Variants in TTC6 observed in about 807,000 individuals in gnomAD.
TTC6 encodes tetratricopeptide repeat domain 6.
In TTC6, 172 loss-of-function variants were observed where a neutral mutation model predicts 210.4. That is an observed-to-expected ratio of 0.82 (90% CI 0.72 to 0.93). TTC6 has a LOEUF of 0.93. Among genes scored for constraint, TTC6 ranks in the 40% least tolerant of loss-of-function variants. TTC6 has a pLI of 0.00. For missense variants in TTC6, 2,414 were observed against 2,318.1 expected (o/e 1.04, Z -0.85); for synonymous variants, 804 against 819.6 (o/e 0.98, Z 0.32).
chr14:37,821,393 C>T (rs1332355171), intron 26 of TTC6, among the ~76,000 whole-genome samples: 1 of 151,984 alleles, frequency 6.6e-6, no homozygotes, highest in Non-Finnish European at 1.5e-5. Flanking sequence ...TAAATAGTGC[C>T]AATTATCAGG....
chr14:37,820,425 C>T (rs990328655), intron 26 of TTC6, among the ~76,000 whole-genome samples: 1 of 152,188 alleles, frequency 6.6e-6, no homozygotes, highest in Non-Finnish European at 1.5e-5. Flanking sequence ...CAATCACTGC[C>T]ATTTGGTAAT....
chr14:37,617,228 T>G (rs773215195), upstream of TTC6, among the ~76,000 whole-genome samples: 1 of 152,110 alleles, frequency 6.6e-6, no homozygotes, highest in Non-Finnish European at 1.5e-5. Context: ...GTCCAAGAAG[T>G]GAAGATAGAA....
chr14:37,727,291 A>ATTTTTTTTTTTTTT lies in TTC6; in HGVS notation c.1818+2299_1818+2312dup, dbSNP rs368293440. On this transcript the variant is annotated intron_variant, in intron 7 of 30. Coordinates refer to ENST00000553443, the Ensembl canonical transcript of TTC6. Reference sequence around the variant, plus strand: ...GACATTCTATGTTGGTATTTTTCTAATTTTTTTTTTTTTTTTTTTTTTTGA... The same window carrying ATTTTTTTTTTTTTT: ...GACATTCTATGTTGGTATTTTTCTAATTTTTTTTTTTTTTTTTTTTTTTTTTTTTTTTTTTTTGA... Among the ~76,000 whole-genome samples the ATTTTTTTTTTTTTT allele has an allele frequency of 1.6e-4, 15 of 92,236 alleles. 1 individual carries two copies. Among genetic ancestry groups the ATTTTTTTTTTTTTT allele is most frequent in the Non-Finnish European group, 2.0e-4 (9 of 45,634 alleles). The allele number at this position is 92,236 out of a possible 152,430, so 60.5% of individuals were successfully genotyped here.
intron 10 of TTC6, among the ~76,000 whole-genome samples, chr14:37,746,658 A>G (rs1957578): frequency 0.66 from 100,698 of 151,984 alleles, 33,908 homozygotes; most frequent in East Asian, 0.89. Flanking sequence ...CATGGAGGAG[A>G]TATGTGGGAG....
intron 1 of TTC6, among the ~76,000 whole-genome samples, chr14:37,668,182 G>A (rs1461403300): frequency 1.3e-5 from 2 of 149,932 alleles, no homozygotes; most frequent in East Asian, 1.9e-4. Flanking sequence ...GGATATAGTC[G>A]AATTCCAAAC....
intron 14 of TTC6, among the ~76,000 whole-genome samples, chr14:37,784,242 T>A (rs536708133): frequency 7.4e-4 from 113 of 152,314 alleles, no homozygotes; most frequent in Non-Finnish European, 1.2e-3. Flanking sequence ...CCCATTATTA[T>A]TGTGTGGGAG....
intron 5 of TTC6, among the ~76,000 whole-genome samples, chr14:37,707,877 G>T (rs529597303): frequency 6.6e-6 from 1 of 152,130 alleles, no homozygotes; most frequent in East Asian, 1.9e-4. Context: ...AGTACTTTTA[G>T]ATCTTAAGTA....
At chr14:37,615,739 G>C (rs1183395569) in intron 2 of TTC6, among the ~76,000 whole-genome samples, 1 of 151,796 alleles carries the variant, frequency 6.6e-6, no homozygotes, top group East Asian at 1.9e-4. Context: ...AGTCATTTCT[G>C]GACTGGGATC....
At chr14:37,690,982 G>A (rs555940496) in intron 3 of TTC6, among the ~76,000 whole-genome samples, 7 of 152,096 alleles carry the variant, frequency 4.6e-5, no homozygotes, top group African/African-American at 1.7e-4. Context: ...CACAAAACAA[G>A]TCTTAAAACA....
chr14:37,610,330 GTTTA>G (rs1347908825), intron 2 of TTC6, among the ~76,000 whole-genome samples: 1 of 152,248 alleles, frequency 6.6e-6, no homozygotes, highest in East Asian at 1.9e-4. Flanking sequence ...TCTCTAGAGC[GTTTA>G]TTTCTTTTGA....
chr14:37,670,049 G>A (rs2138469013), intron 1 of TTC6, among the ~76,000 whole-genome samples: 1 of 152,256 alleles, frequency 6.6e-6, no homozygotes, highest in Non-Finnish European at 1.5e-5. Flanking sequence ...CAGGTGATAT[G>A]AATCAATCAC....
chr14:37,710,893 C>G (rs1009756841), intron 5 of TTC6, among the ~76,000 whole-genome samples: 4 of 151,956 alleles, frequency 2.6e-5, no homozygotes, highest in African/African-American at 9.7e-5. Flanking sequence ...GATTTCATCC[C>G]AGGATATTCT....
At chr14:37,750,482 T>C (rs1039283864) in intron 12 of TTC6, among the ~76,000 whole-genome samples, 2 of 152,224 alleles carry the variant, frequency 1.3e-5, no homozygotes, top group African/African-American at 4.8e-5. Flanking sequence ...ATTTTAGACA[T>C]ATGGAAAGGT....
intron 7 of TTC6, among the ~76,000 whole-genome samples, chr14:37,726,632 T>C (rs1200092255): frequency 3.7e-4 from 56 of 152,264 alleles, no homozygotes; most frequent in Non-Finnish European, 4.4e-5. Flanking sequence ...CTGGATAGCA[T>C]TTCATCATTT....
chr14:37,769,590 A>G (rs1292429677), intron 14 of TTC6, among the ~76,000 whole-genome samples: 2 of 152,188 alleles, frequency 1.3e-5, no homozygotes, highest in Non-Finnish European at 2.9e-5. Context: ...TTATTTCTGT[A>G]GAGGTATTTG....
chr14:37,633,343 C>T (rs2095673731), intron 1 of TTC6, among the ~76,000 whole-genome samples: 1 of 152,160 alleles, frequency 6.6e-6, no homozygotes, highest in Non-Finnish European at 1.5e-5. Context: ...TTCTTCATGG[C>T]ACAGTCCCTC....
chr14:37,640,738 T>C (rs2095690328), intron 1 of TTC6, among the ~76,000 whole-genome samples: 1 of 152,202 alleles, frequency 6.6e-6, no homozygotes, highest in Non-Finnish European at 1.5e-5. Flanking sequence ...AGATGGGGTT[T>C]TGCCATGTTG....
chr14:37,686,505 A>C (rs2095794059), intron 3 of TTC6, among the ~76,000 whole-genome samples: 1 of 152,166 alleles, frequency 6.6e-6, no homozygotes, highest in Admixed American at 6.5e-5. Context: ...CAATTCAATA[A>C]ATTTCCTAAT....
intron 9 of TTC6, 78 bp downstream of exon 11, chr14:37,737,812 T>A (rs1035259839): frequency 2.0e-5 from 16 of 785,206 alleles, no homozygotes; most frequent in African/African-American, 1.8e-4. Flanking sequence ...TATTTTTTTT[T>A]AAAAGCATCT....
Sources: allele counts gnomAD v4.1 joint callset (sites outside exome capture counted in the v4.1 genomes callset), GRCh38; gene constraint gnomAD v4.1.1; transcripts MANE v1.5; gene names NCBI Gene and HGNC (gene_info 2026-07-23, HGNC 2026-07-21).